Variants in RARB observed in about 807,000 individuals in gnomAD.
RARB encodes retinoic acid receptor beta, also known as HBV-activated protein.
A neutral mutation model predicts 51.9 loss-of-function variants in RARB; 17 were observed. The observed-to-expected ratio is 0.33, with a 90% CI of 0.22 to 0.49. RARB has a LOEUF of 0.49. Ranked by LOEUF, RARB falls within the 20% of genes least tolerant of loss-of-function variation. RARB has a pLI of 0.99. For missense variants in RARB, 369 were observed against 550.8 expected, an observed-to-expected ratio of 0.67 and a Z score of 3.30; for synonymous variants, 215 against 195.4, an observed-to-expected ratio of 1.10 and a Z score of -0.84.
chr3:25,312,669 C>G (rs576807995), intron 5 of RARB, among the ~76,000 whole-genome samples: 3 of 152,120 alleles, frequency 2.0e-5, no homozygotes, highest in East Asian at 1.9e-4. Context: ...ACAATAGTTA[C>G]AAAGTTTTTT....
At chr3:25,207,851 T>G (rs532644978) in intron 5 of RARB, among the ~76,000 whole-genome samples, 4 of 152,302 alleles carry the variant, frequency 2.6e-5, no homozygotes, top group African/African-American at 9.6e-5. Context: ...CTAGGTAATT[T>G]ATAGAGAAAA....
At chr3:25,037,195 A>G (rs1404426335) in intron 2 of RARB, among the ~76,000 whole-genome samples, 2 of 151,838 alleles carry the variant, frequency 1.3e-5, no homozygotes, top group Admixed American at 1.3e-4. Context: ...TGTATCGTGC[A>G]CATCTGGAAG....
chr3:25,456,190 C>G (rs920428627), intron 1 of RARB, among the ~76,000 whole-genome samples: 1 of 152,170 alleles, frequency 6.6e-6, no homozygotes, highest in African/African-American at 2.4e-5. Context: ...GAATCTAACT[C>G]TAATTTAAAG....
At chr3:25,259,022 C>T (rs1702934349) in intron 5 of RARB, 2 of 985,076 alleles carry the variant, frequency 2.0e-6, no homozygotes, top group African/African-American at 1.7e-5. Flanking sequence ...TCTGAGACTG[C>T]TTCTGATATT....
At chr3:25,139,079 T>C (rs906468196) in intron 4 of RARB, among the ~76,000 whole-genome samples, 6 of 152,276 alleles carry the variant, frequency 3.9e-5, no homozygotes, top group African/African-American at 1.4e-4. Flanking sequence ...ATAAATAGTG[T>C]GTGTGTTCTG....
intron 5 of RARB, among the ~76,000 whole-genome samples, chr3:25,418,824 G>C (rs1707778096): frequency 6.6e-6 from 1 of 151,936 alleles, no homozygotes; most frequent in Non-Finnish European, 1.5e-5. Context: ...GATTATTTCT[G>C]AAGGCAAGTT....
chr3:25,372,861 AT>A (rs1255320245), intron 5 of RARB, among the ~76,000 whole-genome samples: 2 of 152,142 alleles, frequency 1.3e-5, no homozygotes, highest in South Asian at 2.1e-4. Flanking sequence ...AACTTAAAAA[AT>A]TTTTTTTAAA....
At chr3:25,230,711 A>G (rs777665348) in intron 5 of RARB, among the ~76,000 whole-genome samples, 75 of 152,256 alleles carry the variant, frequency 4.9e-4, no homozygotes, top group Middle Eastern at 6.8e-3. Context: ...TCTTACATCC[A>G]GAATGGAAAC....
At chr3:25,226,456 T>A (rs1702058886) in intron 5 of RARB, among the ~76,000 whole-genome samples, 1 of 152,154 alleles carries the variant, frequency 6.6e-6, no homozygotes, top group East Asian at 1.9e-4. Flanking sequence ...AAAATCAGGT[T>A]TATTATGATT....
intron 3 of RARB, among the ~76,000 whole-genome samples, chr3:25,086,875 C>T (rs1699115243): frequency 6.6e-6 from 1 of 152,124 alleles, no homozygotes; most frequent in Non-Finnish European, 1.5e-5. Context: ...GCATAGCCTG[C>T]TTCAGAGAGA....
intron 2 of RARB, among the ~76,000 whole-genome samples, chr3:25,046,241 G>T (rs1698211060): frequency 6.6e-6 from 1 of 152,192 alleles, no homozygotes; most frequent in African/African-American, 2.4e-5. Context: ...TAAGCTCAAA[G>T]GCTTGTGTAA....
At chr3:25,212,960 C>T (rs1006710573) in intron 5 of RARB, among the ~76,000 whole-genome samples, 4 of 152,128 alleles carry the variant, frequency 2.6e-5, no homozygotes, top group African/African-American at 7.2e-5. Context: ...CTGAGCATTG[C>T]GGCACGTAAT....
At chr3:25,343,024 TTGTG>T (rs6147737) in intron 5 of RARB, among the ~76,000 whole-genome samples, 17,414 of 131,628 alleles carry the variant, frequency 0.13, 1,279 homozygotes, top group Admixed American at 0.23. Context: ...TGCAAGTACT[TTGTG>T]TGTGTGTGTG....
rs747212684 is a variant in RARB, at chr3:24,922,621, C to T, written c.-380+63869C>T. On this transcript the variant is annotated intron_variant, in intron 2 of 11. Coordinates refer to the RARB transcript ENST00000383772. ...TGTGCCTCGAAATCTATGCTCTTAACCTCTAAATTATACTGCCTCATGGGT... is the reference window on the plus strand; with the variant it reads ...TGTGCCTCGAAATCTATGCTCTTAATCTCTAAATTATACTGCCTCATGGGT... Among the ~76,000 whole-genome samples the T allele has an allele frequency of 2.7e-4, 41 of 152,142 alleles. 1 individual carries two copies. The highest frequency in any genetic ancestry group is 5.1e-4 in the Non-Finnish European group (35 of 68,032).
intron 2 of RARB, among the ~76,000 whole-genome samples, chr3:25,030,437 G>T (rs79961449): frequency 0.013 from 1,954 of 152,176 alleles, 50 homozygotes; most frequent in African/African-American, 0.043. Context: ...TCATAGATTT[G>T]GTTTTGGTTT....
chr3:25,406,156 C>A (rs1045331985), intron 5 of RARB, among the ~76,000 whole-genome samples: 23 of 152,182 alleles, frequency 1.5e-4, no homozygotes, highest in African/African-American at 5.3e-4. Context: ...TGTCCATATC[C>A]AGGGCTGGCC....
chr3:25,398,703 T>G (rs1305198857), intron 5 of RARB, among the ~76,000 whole-genome samples: 1 of 152,194 alleles, frequency 6.6e-6, no homozygotes, highest in Non-Finnish European at 1.5e-5. Flanking sequence ...GTCCTTAATT[T>G]TAGAAGTGAT....
intron 2 of RARB, among the ~76,000 whole-genome samples, chr3:24,952,889 TTTG>T (rs1695928854): frequency 6.6e-6 from 1 of 151,926 alleles, no homozygotes; most frequent in African/African-American, 2.4e-5. Context: ...TTTTTGTTTG[TTTG>T]TTTTGTTTTG....
intron 2 of RARB, among the ~76,000 whole-genome samples, chr3:24,907,419 G>C (rs1314528901): frequency 6.6e-6 from 1 of 152,090 alleles, no homozygotes; most frequent in Non-Finnish European, 1.5e-5. Context: ...ATGACTGAGA[G>C]GGAAGAGCTA....
Sources: allele counts gnomAD v4.1 joint callset (sites outside exome capture counted in the v4.1 genomes callset), GRCh38; gene constraint gnomAD v4.1.1; transcripts MANE v1.5; gene names NCBI Gene and HGNC (gene_info 2026-07-23, HGNC 2026-07-21).